Variants in ACAP2 observed in about 807,000 individuals in gnomAD.
ACAP2 encodes arf-GAP with coiled-coil, ANK repeat and PH domain-containing protein 2.
Under a neutral mutation model 115.8 loss-of-function variants are expected in ACAP2, and 39 were observed. That is an observed-to-expected ratio of 0.34 (90% confidence interval 0.26 to 0.44). ACAP2 has a LOEUF of 0.44. Among genes scored for constraint, ACAP2 ranks in the 20% least tolerant of loss-of-function variants. The pLI, the probability that ACAP2 is intolerant of heterozygous loss-of-function variation, is 1.00. For synonymous variants in ACAP2, 289 were observed against 315.8 expected, an observed-to-expected ratio of 0.92 and a Z score of 0.90; for missense variants, 662 against 927.6, an observed-to-expected ratio of 0.71 and a Z score of 3.72.
intron 2 of ACAP2, among the ~76,000 whole-genome samples, chr3:195,385,728 A>G (rs112631536): frequency 1.3e-5 from 2 of 152,308 alleles, no homozygotes; most frequent in African/African-American, 4.8e-5. Context: ...AAACTGCTTT[A>G]TATCAAGAAT....
intron 10 of ACAP2, among the ~76,000 whole-genome samples, chr3:195,316,011 T>C (rs1185499227): frequency 6.6e-6 from 1 of 152,240 alleles, no homozygotes; most frequent in Non-Finnish European, 1.5e-5. Flanking sequence ...TAGTAGTCCA[T>C]GGAAGTTCAT....
chr3:195,337,343 C>T (rs1199316969), intron 6 of ACAP2, among the ~76,000 whole-genome samples: 1 of 152,106 alleles, frequency 6.6e-6, no homozygotes, highest in Non-Finnish European at 1.5e-5. Context: ...CCACTACCAC[C>T]ATCATGTCTT....
intron 8 of ACAP2, among the ~76,000 whole-genome samples, chr3:195,332,690 A>C (rs1730253892): frequency 6.6e-6 from 1 of 152,132 alleles, no homozygotes; most frequent in South Asian, 2.1e-4. Context: ...GGTTTCCCCC[A>C]TGCTGGTACT....
intron 12 of ACAP2, chr3:195,306,957 T>G (rs774597722): frequency 5.0e-5 from 18 of 358,526 alleles, no homozygotes; most frequent in Non-Finnish European, 8.0e-5. Context: ...GAAACTCATA[T>G]GATTTCAATT....
chr3:195,317,022 C>T (rs752777231), intron 10 of ACAP2, among the ~76,000 whole-genome samples: 5 of 149,800 alleles, frequency 3.3e-5, no homozygotes, highest in East Asian at 2.0e-4. Context: ...CTCAGCCTGC[C>T]GAGTAGCTGG....
At chr3:195,420,647 A>C (rs1324906586) in intron 1 of ACAP2, among the ~76,000 whole-genome samples, 2 of 144,044 alleles carry the variant, frequency 1.4e-5, no homozygotes, top group African/African-American at 5.2e-5. Context: ...CCGGCCTGCA[A>C]TTTTGTTTTT....
At chr3:195,388,323 C>T (rs1734433930) in intron 2 of ACAP2, among the ~76,000 whole-genome samples, 1 of 152,192 alleles carries the variant, frequency 6.6e-6, no homozygotes, top group East Asian at 1.9e-4. Context: ...GCCAGTCAGA[C>T]AATGCAACAC....
chr3:195,339,028 T>C (rs1730698560), intron 6 of ACAP2, among the ~76,000 whole-genome samples: 1 of 151,986 alleles, frequency 6.6e-6, no homozygotes, highest in Non-Finnish European at 1.5e-5. Context: ...ATTAGGAGTT[T>C]GAGATCAGCC....
intron 4 of ACAP2, among the ~76,000 whole-genome samples, chr3:195,363,101 G>A (rs761805956): frequency 3.3e-5 from 5 of 152,136 alleles, no homozygotes; most frequent in African/African-American, 4.8e-5. Context: ...CAGTAAAGCT[G>A]CAGGATACAA....
chr3:195,308,817 T>C lies in ACAP2; in HGVS notation c.878A>G (p.Asn293Ser), dbSNP rs755186805. ...TWNRRWFSIQ[N>S]NQLVYQKKFK... ...TTTTTTCTGGTAAACCAACTGATTA[T>C]TCTGTATTGAAAACCAGCGCCTACA... The change falls in exon 11 of 23, where the codon AAT becomes AGT. Residue 293 changes from asparagine to serine, a missense_variant. Coordinates refer to ENST00000326793, the MANE Select transcript of ACAP2 (RefSeq NM_012287.6). 1 of 1,610,124 alleles carries C rather than the reference T, an allele frequency of 6.2e-7. No individual in the cohort carries two copies. The highest frequency in any genetic ancestry group is 8.5e-7 in the Non-Finnish European group (1 of 1,178,954).
intron 2 of ACAP2, among the ~76,000 whole-genome samples, chr3:195,384,749 G>C (rs1275908503): frequency 6.6e-6 from 1 of 151,860 alleles, no homozygotes; most frequent in African/African-American, 2.4e-5. Context: ...ATTGCACAAG[G>C]GCGCAAGAGA....
chr3:195,367,354 T>C (rs1030513596), intron 4 of ACAP2, among the ~76,000 whole-genome samples: 2 of 152,216 alleles, frequency 1.3e-5, no homozygotes, highest in Non-Finnish European at 2.9e-5. Context: ...TTTACTGCAA[T>C]GTCAGGATCA....
At position 195,292,258 on chromosome 3, in the gene ACAP2, C is replaced by A. The variant is rs184360297; in HGVS notation, c.1953+7G>T. On this transcript the variant is annotated splice_region_variant and intron_variant, in intron 19 of 22. Coordinates refer to ENST00000326793, the MANE Select transcript of ACAP2 (RefSeq NM_012287.6). ...GCTACTGAAAATGTCATTGTATAAACGCATACCCCTAATACAGCCTGAATA... is the reference window on the plus strand; with the variant it reads ...GCTACTGAAAATGTCATTGTATAAAAGCATACCCCTAATACAGCCTGAATA... The A allele has an allele frequency of 6.4e-7, 1 of 1,569,858 alleles. No homozygotes were observed.
intron 4 of ACAP2, among the ~76,000 whole-genome samples, chr3:195,368,429 C>T (rs1431101094): frequency 3.6e-4 from 54 of 152,110 alleles, no homozygotes; most frequent in Non-Finnish European, 4.4e-5. Flanking sequence ...GGATGACAGG[C>T]GTTATCCCAG....
rs562428448 is a variant in ACAP2 at position 195,394,756 on chromosome 3, G to A, written c.54-2609C>T. Among the ~76,000 whole-genome samples, 9 of 152,292 alleles carry A rather than the reference G, an allele frequency of 5.9e-5. No homozygotes were observed. The South Asian group carries it at 1.4e-3, about 25-fold the overall frequency. On this transcript the variant is annotated intron_variant, in intron 1 of 22. Coordinates refer to ENST00000326793, the MANE Select transcript of ACAP2 (RefSeq NM_012287.6). ...ATTCCAAATAAAAAATGTTAGCTAG[G>A]CACATAGTGTGTGGCTGTAATCCCA...
chr3:195,298,780 C>T (rs62287064), intron 15 of ACAP2, among the ~76,000 whole-genome samples: 18,701 of 152,036 alleles, frequency 0.12, 1,707 homozygotes, highest in East Asian at 0.52. Flanking sequence ...TACAAGCATG[C>T]ACCACCACGC....
At chr3:195,372,044 G>A (rs1298456752) in intron 4 of ACAP2, among the ~76,000 whole-genome samples, 1 of 152,126 alleles carries the variant, frequency 6.6e-6, no homozygotes, top group Non-Finnish European at 1.5e-5. Context: ...AGGAAGATTT[G>A]CAGGCTAAAC....
intron 6 of ACAP2, among the ~76,000 whole-genome samples, chr3:195,339,084 A>G (rs954960401): frequency 2.0e-5 from 3 of 152,130 alleles, no homozygotes; most frequent in African/African-American, 7.2e-5. Flanking sequence ...TACAAAAATT[A>G]GCCAGGCATG....
rs1459031977 is a variant in ACAP2, at chr3:195,276,375, A to G, written c.*2953T>C. On this transcript the variant is annotated 3_prime_UTR_variant, in exon 23 of 23. Coordinates refer to ENST00000326793, the MANE Select transcript of ACAP2 (RefSeq NM_012287.6). ...GTTTCTAAGGATTGTATTAAAGGTA[A>G]CTTTTTAAAACCTTAGAAATCTTAA... 1 of 152,242 alleles carries G rather than the reference A, an allele frequency of 6.6e-6. No individual in the cohort carries two copies. The highest frequency in any genetic ancestry group is 1.5e-5 in the Non-Finnish European group (1 of 68,030). The allele number at this position is 152,242 out of a possible 1,614,324, so 9.4% of individuals were successfully genotyped here.
Sources: allele counts gnomAD v4.1 joint callset (sites outside exome capture counted in the v4.1 genomes callset), GRCh38; gene constraint gnomAD v4.1.1; transcripts MANE v1.5; gene names NCBI Gene and HGNC (gene_info 2026-07-23, HGNC 2026-07-21).